The following CSMD3 variants were observed in gnomAD, a reference collection of about 807,000 sequenced individuals.
CSMD3 encodes the protein CUB and sushi domain-containing protein 3.
CSMD3 carries 177 observed loss-of-function variants against 435.2 expected under a neutral mutation model. The ratio of observed to expected loss-of-function variants is 0.41; its 90% CI spans 0.36 to 0.46. CSMD3 has a LOEUF of 0.46. CSMD3 is among the 20% of genes least tolerant of loss of function. CSMD3 has a pLI of 0.34. For synonymous variants in CSMD3, 1,656 were observed against 1,520.5 expected (o/e 1.09, Z -2.07); for missense variants, 4,265 against 4,504.6 (o/e 0.95, Z 1.52).
intron 5 of CSMD3, among the ~76,000 whole-genome samples, chr8:113,055,866 G>A (rs553724236): frequency 6.6e-5 from 10 of 152,254 alleles, no homozygotes; most frequent in African/African-American, 2.2e-4. Flanking sequence ...CTTAAAGTTT[G>A]AAGATGAACC....
chr8:112,912,303 T>C (rs1343205917), intron 10 of CSMD3, among the ~76,000 whole-genome samples: 1 of 151,526 alleles, frequency 6.6e-6, no homozygotes, highest in Non-Finnish European at 1.5e-5. Flanking sequence ...GATCATATGG[T>C]AATTCTATTT....
intron 9 of CSMD3, among the ~76,000 whole-genome samples, chr8:112,939,293 A>G (rs927754307): frequency 1.3e-5 from 2 of 152,060 alleles, no homozygotes; most frequent in East Asian, 3.9e-4. Context: ...AACAATGAAG[A>G]CTTTTAAATC....
chr8:113,188,324 C>G (rs540261478), intron 3 of CSMD3, among the ~76,000 whole-genome samples: 1 of 152,032 alleles, frequency 6.6e-6, no homozygotes, highest in African/African-American at 2.4e-5. Flanking sequence ...CTCAGATATA[C>G]TAAGCTCCAG....
intron 3 of CSMD3, among the ~76,000 whole-genome samples, chr8:113,233,535 T>G (rs1469742273): frequency 6.6e-6 from 1 of 150,938 alleles, no homozygotes; most frequent in Non-Finnish European, 1.5e-5. Flanking sequence ...TATAAAAATA[T>G]TTACATGATA....
chr8:112,760,545 A>G (rs1465698934), intron 13 of CSMD3, among the ~76,000 whole-genome samples: 1 of 152,216 alleles, frequency 6.6e-6, no homozygotes, highest in South Asian at 2.1e-4. Context: ...ACGTCCATTA[A>G]TAAAAGATTT....
rs1051224557 is a variant in CSMD3, at chr8:112,461,507, T to C, written c.5395+11084A>G. ...GACCAACAATTTTATAGTGAAACTTTGCAAGAAATGTTTACTCTCTATATG... is the reference window on the plus strand; with the variant it reads ...GACCAACAATTTTATAGTGAAACTTCGCAAGAAATGTTTACTCTCTATATG... On this transcript the variant is annotated intron_variant, in intron 32 of 70. Transcript: ENST00000297405. 3.9e-5 allele frequency among the ~76,000 whole-genome samples: 6 copies of C among 152,270 alleles called. No homozygotes were observed. In the East Asian group the frequency reaches 9.6e-4, roughly 24 times the overall value.
intron 13 of CSMD3, among the ~76,000 whole-genome samples, chr8:112,780,778 T>A (rs2078364290): frequency 6.6e-6 from 1 of 152,078 alleles, no homozygotes; most frequent in Admixed American, 6.6e-5. Flanking sequence ...AGACCAATCC[T>A]GGCCAGAAGG....
At chr8:112,364,238 A>G (rs1827538245) in intron 38 of CSMD3, among the ~76,000 whole-genome samples, 1 of 151,958 alleles carries the variant, frequency 6.6e-6, no homozygotes, top group African/African-American at 2.4e-5. Flanking sequence ...TTTTACAACT[A>G]CTACAAGGGA....
intron 7 of CSMD3, among the ~76,000 whole-genome samples, chr8:112,959,809 T>C (rs2084162855): frequency 6.6e-6 from 1 of 151,964 alleles, no homozygotes; most frequent in Admixed American, 6.6e-5. Flanking sequence ...ACAATAGATT[T>C]ATTTACATGA....
intron 7 of CSMD3, among the ~76,000 whole-genome samples, chr8:112,962,104 T>C (rs1022553656): frequency 2.6e-5 from 4 of 151,912 alleles, no homozygotes; most frequent in African/African-American, 9.7e-5. Flanking sequence ...TTTTAAATTG[T>C]TTTCGGTTGT....
intron 4 of CSMD3, among the ~76,000 whole-genome samples, chr8:113,139,905 C>T (rs935459164): frequency 4.0e-5 from 6 of 150,968 alleles, no homozygotes; most frequent in Admixed American, 2.0e-4. Context: ...ACAAGAGTGG[C>T]TATATTACTA....
At chr8:112,816,321 G>A (rs150211049) in intron 12 of CSMD3, among the ~76,000 whole-genome samples, 389 of 152,174 alleles carry the variant, frequency 2.6e-3, no homozygotes, top group African/African-American at 7.6e-3. Flanking sequence ...TAGTGAAAGA[G>A]GAAAGCGAGG....
chr8:113,273,304 C>T (rs1012384698), intron 3 of CSMD3, among the ~76,000 whole-genome samples: 8 of 152,024 alleles, frequency 5.3e-5, no homozygotes, highest in Middle Eastern at 3.4e-3. Context: ...AAAAAAACCT[C>T]AGCTCTAATA....
chr8:113,363,056 T>A (rs1425938704), intron 1 of CSMD3, among the ~76,000 whole-genome samples: 2 of 152,178 alleles, frequency 1.3e-5, no homozygotes, highest in Non-Finnish European at 1.5e-5. Flanking sequence ...TAAAACCCTC[T>A]CCTCAATGTG....
intron 6 of CSMD3, among the ~76,000 whole-genome samples, chr8:113,009,748 A>G (rs1382365603): frequency 3.3e-5 from 5 of 151,796 alleles, no homozygotes; most frequent in Non-Finnish European, 7.4e-5. Flanking sequence ...ACAAACATGC[A>G]CTGAGTATTA....
chr8:113,263,267 A>T (rs2093441597), intron 3 of CSMD3, among the ~76,000 whole-genome samples: 1 of 152,034 alleles, frequency 6.6e-6, no homozygotes, highest in African/African-American at 2.4e-5. Flanking sequence ...ACTGCAAATG[A>T]ATATAAAGAA....
At chr8:112,625,470 A>G (rs575437260) in intron 22 of CSMD3, among the ~76,000 whole-genome samples, 1 of 152,260 alleles carries the variant, frequency 6.6e-6, no homozygotes, top group Admixed American at 6.6e-5. Context: ...TTTATATGAT[A>G]TGAAAAGGTT....
At chr8:113,411,688 C>A (rs1167754633) in intron 1 of CSMD3, among the ~76,000 whole-genome samples, 1 of 151,994 alleles carries the variant, frequency 6.6e-6, no homozygotes, top group Non-Finnish European at 1.5e-5. Context: ...CACTCTAAAA[C>A]AAAAGAAATG....
chr8:112,867,221 C>A (rs779209432), intron 10 of CSMD3, among the ~76,000 whole-genome samples: 1 of 152,134 alleles, frequency 6.6e-6, no homozygotes, highest in African/African-American at 2.4e-5. Context: ...CCACATGTTT[C>A]AGGTACCTTT....
Sources: gnomAD v4.1 joint callset for allele counts (sites outside exome capture counted in the v4.1 genomes callset) on GRCh38, gnomAD v4.1.1 for gene constraint, MANE v1.5 for transcripts, NCBI Gene and HGNC (gene_info 2026-07-23, HGNC 2026-07-21) for gene names.